The following TENM3 variants were observed in gnomAD, a reference collection of about 807,000 sequenced individuals.
TENM3 encodes teneurin-3.
In TENM3, 63 loss-of-function variants were observed where a neutral mutation model predicts 255.1. The ratio of observed to expected loss-of-function variants is 0.25; its 90% confidence interval spans 0.20 to 0.30. The LOEUF (loss-of-function observed/expected upper bound fraction) is 0.30. Ranked by LOEUF, TENM3 falls within the 10% of genes least tolerant of loss-of-function variation. TENM3 has a pLI of 1.00. For missense variants in TENM3, 2,929 were observed against 3,461.1 expected (o/e 0.85, Z 3.86); for synonymous variants, 1,306 against 1,322.3 (o/e 0.99, Z 0.27).
chr4:182,116,890 A>C, the TENM3 span, among the ~76,000 whole-genome samples: 1 of 152,178 alleles, frequency 6.6e-6, no homozygotes, highest in Admixed American at 6.5e-5. Context: ...TTCAAAGTGC[A>C]CCACTCTGCA....
At chr4:181,634,844 A>C in the TENM3 span, among the ~76,000 whole-genome samples, 1 of 152,204 alleles carries the variant, frequency 6.6e-6, no homozygotes, top group African/African-American at 2.4e-5. Flanking sequence ...AGCATTTTTC[A>C]TTTTAGTTTT....
At chr4:181,659,036 C>A in the TENM3 span, among the ~76,000 whole-genome samples, 1 of 152,158 alleles carries the variant, frequency 6.6e-6, no homozygotes, top group Admixed American at 6.5e-5. Context: ...TGGATGTTTG[C>A]CATTAAAGGG....
chr4:182,001,630 GA>G, the TENM3 span, among the ~76,000 whole-genome samples: 29 of 151,830 alleles, frequency 1.9e-4, no homozygotes, highest in Non-Finnish European at 4.0e-4. Flanking sequence ...TAGTTGTTCT[GA>G]AAAAAAATAT....
the TENM3 span, among the ~76,000 whole-genome samples, chr4:181,943,860 T>A: frequency 2.0e-5 from 3 of 152,284 alleles, no homozygotes; most frequent in South Asian, 6.2e-4. Flanking sequence ...CAGCCTGTGA[T>A]GTGGATGGGA....
At chr4:181,532,162 T>C in the TENM3 span, among the ~76,000 whole-genome samples, 3 of 152,164 alleles carry the variant, frequency 2.0e-5, no homozygotes, top group Non-Finnish European at 2.9e-5. Context: ...ATTACAGATG[T>C]GTCATTTTAT....
intron 19 of TENM3, among the ~76,000 whole-genome samples, chr4:182,746,790 A>T (rs1338580884): frequency 6.6e-6 from 1 of 152,174 alleles, no homozygotes; most frequent in African/African-American, 2.4e-5. Flanking sequence ...GAGAGAATGG[A>T]GAGTATTTGT....
intron 3 of TENM3, among the ~76,000 whole-genome samples, chr4:182,581,323 C>T (rs889065706): frequency 6.6e-6 from 1 of 152,152 alleles, no homozygotes; most frequent in East Asian, 1.9e-4. Flanking sequence ...AGTCCATTGA[C>T]TTTTAATAAT....
chr4:181,910,590 G>GTGTATA, the TENM3 span, among the ~76,000 whole-genome samples: 1 of 142,826 alleles, frequency 7.0e-6, no homozygotes, highest in African/African-American at 2.6e-5. Flanking sequence ...ATATGTATTT[G>GTGTATA]TATATATATA....
the TENM3 span, among the ~76,000 whole-genome samples, chr4:182,062,881 GAAGA>G: frequency 2.8e-3 from 430 of 152,314 alleles, 3 homozygotes; most frequent in African/African-American, 0.01. Flanking sequence ...TTTAAAAAAT[GAAGA>G]AAGGTTTTTA....
chr4:182,364,592 AT>A lies in TENM3; in HGVS notation c.511+17667del, dbSNP rs1766283684. ...CCACCACGCCCGGCTAATTTTTTGT[AT>A]TTTGTTTAGTAGAGACGGGGTTTCA... On this transcript the variant is annotated intron_variant, in intron 3 of 27. Coordinates refer to ENST00000511685, the MANE Select transcript of TENM3 (RefSeq NM_001080477.4). 2.6e-5 allele frequency among the ~76,000 whole-genome samples: 4 copies of A among 151,800 alleles called. No individual in the cohort carries two copies. In the South Asian group the frequency reaches 8.3e-4, roughly 32 times the overall value.
At chr4:182,107,124 C>T in the TENM3 span, among the ~76,000 whole-genome samples, 2 of 150,336 alleles carry the variant, frequency 1.3e-5, no homozygotes, top group African/African-American at 4.9e-5. Flanking sequence ...CTGGTTAGTA[C>T]TTGCCTGAGT....
chr4:182,744,526 G>A (rs1010227436), intron 19 of TENM3, among the ~76,000 whole-genome samples: 1 of 152,094 alleles, frequency 6.6e-6, no homozygotes, highest in African/African-American at 2.4e-5. Context: ...GTTTGAGAAG[G>A]CCTGCCTGGT....
chr4:181,735,386 A>G, the TENM3 span, among the ~76,000 whole-genome samples: 1 of 152,134 alleles, frequency 6.6e-6, no homozygotes, highest in African/African-American at 2.4e-5. Flanking sequence ...TTTTCCCTCC[A>G]ATAATTTAGA....
chr4:181,541,460 C>T, the TENM3 span, among the ~76,000 whole-genome samples: 2 of 152,064 alleles, frequency 1.3e-5, no homozygotes, highest in African/African-American at 4.8e-5. Flanking sequence ...TCAAGAAAGT[C>T]GTTCTTGAGT....
chr4:181,487,425 G>A, the TENM3 span, among the ~76,000 whole-genome samples: 62 of 152,162 alleles, frequency 4.1e-4, 1 homozygote, highest in Middle Eastern at 3.2e-3. Flanking sequence ...AGGCAGGGAC[G>A]TCAAGATCAG....
intron 1 of TENM3, among the ~76,000 whole-genome samples, chr4:182,174,588 A>G (rs1028849954): frequency 7.9e-5 from 12 of 151,832 alleles, no homozygotes; most frequent in African/African-American, 2.7e-4. Flanking sequence ...ATGACCCACA[A>G]TATTGGAAAC....
chr4:182,616,556 C>T (rs1389640264), intron 4 of TENM3, among the ~76,000 whole-genome samples: 1 of 137,456 alleles, frequency 7.3e-6, no homozygotes, highest in African/African-American at 2.7e-5. Context: ...GAGATCAAGA[C>T]CATCCTGGCT....
At chr4:181,730,924 C>T in the TENM3 span, among the ~76,000 whole-genome samples, 101 of 152,244 alleles carry the variant, frequency 6.6e-4, 1 homozygote, top group African/African-American at 2.3e-3. Flanking sequence ...TGTTCCTTAA[C>T]AACAGTTTTC....
In TENM3 at chr4:182,175,872, G is replaced by C. The variant is rs1752454208; in HGVS notation, c.-76+31118G>C. Among the ~76,000 whole-genome samples the C allele has an allele frequency of 2.0e-5, 3 of 152,184 alleles. No homozygotes were observed. In the South Asian group the frequency reaches 6.2e-4, roughly 32 times the overall value. On this transcript the variant is annotated intron_variant, in intron 1 of 2. Transcript: ENST00000512480. ...ACTGGGATGATGGCTCAGTGGCTCT[G>C]AGAGTAGAGGCTTTTCGATACAATT...
Sources: allele counts gnomAD v4.1 joint callset (sites outside exome capture counted in the v4.1 genomes callset), GRCh38; gene constraint gnomAD v4.1.1; transcripts MANE v1.5; gene names NCBI Gene and HGNC (gene_info 2026-07-23, HGNC 2026-07-21).